CACNA2D2: variants seen among roughly 807,000 people sequenced by gnomAD.
CACNA2D2 encodes voltage-dependent calcium channel subunit alpha-2/delta-2.
In CACNA2D2, 48 loss-of-function variants were observed where a neutral mutation model predicts 166.4. That is an observed-to-expected ratio of 0.29 (90% CI 0.23 to 0.37). The LOEUF (loss-of-function observed/expected upper bound fraction) is 0.37. Among genes scored for constraint, CACNA2D2 ranks in the 10% least tolerant of loss-of-function variants. CACNA2D2 has a pLI of 1.00. For missense variants in CACNA2D2, 1,122 were observed against 1,433.0 expected (o/e 0.78, Z 3.50); for synonymous variants, 561 against 573.7 (o/e 0.98, Z 0.32).
chr3:50,495,384 G>A (rs1419739914), intron 1 of CACNA2D2, among the ~76,000 whole-genome samples: 1 of 152,190 alleles, frequency 6.6e-6, no homozygotes, highest in East Asian at 1.9e-4. Context: ...CAACACACAG[G>A]CGCGTCCTGA....
intron 3 of CACNA2D2, among the ~76,000 whole-genome samples, chr3:50,420,470 C>T (rs568621465): frequency 2.6e-5 from 4 of 152,316 alleles, no homozygotes; most frequent in African/African-American, 9.6e-5. Context: ...GCTCCCTCTG[C>T]CTGGTGGCCT....
intron 1 of CACNA2D2, among the ~76,000 whole-genome samples, chr3:50,483,959 AAC>A (rs1231010246): frequency 6.6e-6 from 1 of 152,140 alleles, no homozygotes. Flanking sequence ...AGAGGTCACA[AAC>A]ACCCGTCAGG....
At chr3:50,403,165 G>C (rs1706530866) in intron 3 of CACNA2D2, among the ~76,000 whole-genome samples, 1 of 152,166 alleles carries the variant, frequency 6.6e-6, no homozygotes. Context: ...AACAGGGAGG[G>C]ACCAAAACAC....
intron 4 of CACNA2D2, among the ~76,000 whole-genome samples, chr3:50,391,485 G>A (rs1705890730): frequency 6.6e-6 from 1 of 152,236 alleles, no homozygotes. Flanking sequence ...GGCACCTGCT[G>A]CCCACCTGTG....
intron 22 of CACNA2D2, among the ~76,000 whole-genome samples, chr3:50,370,904 T>G (rs1459366149): frequency 6.6e-6 from 1 of 152,148 alleles, no homozygotes; most frequent in Non-Finnish European, 1.5e-5. Context: ...TGTTTGCGTT[T>G]TGGTAGGTCT....
rs961172231 is a variant in CACNA2D2, at chr3:50,362,949, GAAC to G, written c.*1714_*1716del. 11 of 396,814 alleles carry G rather than the reference GAAC, an allele frequency of 2.8e-5. No homozygotes were observed. Among genetic ancestry groups the G allele is most frequent in the Non-Finnish European group, 4.9e-5 (11 of 225,528 alleles). The allele number at this position is 396,814 out of a possible 1,614,324, so 24.6% of individuals were successfully genotyped here. ...TTTTCCAACTTGTCTGTACAAAATAGAACAACAAAAAAAGGGCAGAGAAAAGGA... is the reference window on the plus strand; with the variant it reads ...TTTTCCAACTTGTCTGTACAAAATAGAACAAAAAAAGGGCAGAGAAAAGGA... On this transcript the variant is annotated 3_prime_UTR_variant, in exon 38 of 38. Transcript: ENST00000424201.
chr3:50,369,435 T>C (rs1704531584), intron 23 of CACNA2D2, among the ~76,000 whole-genome samples: 1 of 152,164 alleles, frequency 6.6e-6, no homozygotes, highest in South Asian at 2.1e-4. Context: ...ACCCCCACAT[T>C]TATGCTCAGA....
At chr3:50,390,368 G>A (rs587748774) in intron 4 of CACNA2D2, among the ~76,000 whole-genome samples, 5 of 152,226 alleles carry the variant, frequency 3.3e-5, no homozygotes, top group South Asian at 2.1e-4. Flanking sequence ...TTCCCCACTC[G>A]TAATATCAGG....
At chr3:50,498,980 G>T (rs1351751339) in intron 1 of CACNA2D2, among the ~76,000 whole-genome samples, 1 of 152,230 alleles carries the variant, frequency 6.6e-6, no homozygotes, top group Non-Finnish European at 1.5e-5. Flanking sequence ...CATGACCACG[G>T]GCTCTGAGGT....
chr3:50,384,850 C>T (rs1705510235), intron 5 of CACNA2D2, among the ~76,000 whole-genome samples: 1 of 152,232 alleles, frequency 6.6e-6, no homozygotes, highest in Non-Finnish European at 1.5e-5. Flanking sequence ...CCATCTAAGG[C>T]AGGGCACTAT....
rs1367842200 is a variant in CACNA2D2 at position 50,394,435 on chromosome 3, C to CTAGGGG, written c.406-268_406-267insCCCCTA. On this transcript the variant is annotated intron_variant, in intron 3 of 37. Coordinates refer to ENST00000424201, the MANE Select transcript of CACNA2D2 (RefSeq NM_006030.4). ...GGGCATCTCCATGGGACTCCCTGTA[C>CTAGGGG]TAGGCCAAGCCCTAGTGTCACTCTC... Among the ~76,000 whole-genome samples the CTAGGGG allele has an allele frequency of 1.4e-4, 22 of 152,344 alleles. 1 individual carries two copies. In the East Asian group the frequency reaches 4.2e-3, roughly 29 times the overall value.
chr3:50,375,540 G>A lies in CACNA2D2; in HGVS notation c.1907+104C>T. The A allele has an allele frequency of 1.7e-6, 2 of 1,210,118 alleles. No homozygotes were observed. Among genetic ancestry groups the A allele is most frequent in the Non-Finnish European group, 2.4e-6 (2 of 832,624 alleles). 75.0% of individuals were successfully genotyped at this position (1,210,118 alleles called of 1,614,324 possible). On this transcript the variant is annotated intron_variant, in intron 21 of 37. Transcript: ENST00000424201. This position sits in a 1 kb window ranked among gnomAD's most constrained non-coding sequence, Gnocchi z 4.0. Reference sequence around the variant, plus strand: ...GTAGTGAGCAGCCCTGGCCACTGGTGCCCCACTGGGATGGTGGTCACAGTG... The same window carrying A: ...GTAGTGAGCAGCCCTGGCCACTGGTACCCCACTGGGATGGTGGTCACAGTG...
rs753956245 is a variant in CACNA2D2, at chr3:50,427,258, G to T, written c.405+7055C>A. Among the ~76,000 whole-genome samples the T allele has an allele frequency of 3.9e-5, 6 of 152,164 alleles. No homozygotes were observed. The highest frequency in any genetic ancestry group is 8.8e-5 in the Non-Finnish European group (6 of 68,026). On this transcript the variant is annotated intron_variant, in intron 3 of 37. Coordinates refer to ENST00000424201, the MANE Select transcript of CACNA2D2 (RefSeq NM_006030.4). The surrounding 1 kb of genome is among the most constrained non-coding windows in gnomAD (Gnocchi z 4.7). ...TTATCTCCTTGCCAGCCAGCTCTTT[G>T]GCTGCCTCCCTCTGTAGGCGGAGGG...
At chr3:50,473,547 G>A (rs1278030732) in intron 2 of CACNA2D2, among the ~76,000 whole-genome samples, 1 of 152,202 alleles carries the variant, frequency 6.6e-6, no homozygotes, top group African/African-American at 2.4e-5. Flanking sequence ...TGGCAGAGCT[G>A]GTGCCAGGGT....
rs749619026 is a variant in CACNA2D2, at chr3:50,374,741, G to A, written c.1980C>T (p.Val660=). Residue 660 remains valine, a synonymous_variant, in exon 22 of 38, where the codon GTC becomes GTT. Coordinates refer to ENST00000424201, the MANE Select transcript of CACNA2D2 (RefSeq NM_006030.4). The part of the protein sequence containing the change: ...QANLSDQILQ[V]KYFEFLLPSS... Reference sequence around the variant, plus strand: ...GGCAGGGGCCGGGCCACTTACACTTGACCTGCAGGATCTGGTCACTGAGAT... The same window carrying A: ...GGCAGGGGCCGGGCCACTTACACTTAACCTGCAGGATCTGGTCACTGAGAT... 1.3e-6 allele frequency: 2 copies of A among 1,593,202 alleles called. No homozygotes were observed. Among genetic ancestry groups the A allele is most frequent in the South Asian group, 1.1e-5 (1 of 87,878 alleles).
At chr3:50,435,946 G>A (rs903387549) in intron 2 of CACNA2D2, among the ~76,000 whole-genome samples, 1 of 152,200 alleles carries the variant, frequency 6.6e-6, no homozygotes, top group African/African-American at 2.4e-5. Context: ...CTGGGCCCCT[G>A]GGCCCTGCCT....
At chr3:50,500,189 AC>A (rs543818286) in intron 1 of CACNA2D2, among the ~76,000 whole-genome samples, 153 of 152,344 alleles carry the variant, frequency 1.0e-3, no homozygotes, top group African/African-American at 3.1e-3. Flanking sequence ...GGAGAGGAGC[AC>A]GTACTCTGGT....
Position 50,375,608 on chromosome 3 carries a change from C to T in CACNA2D2, c.1907+36G>A, listed in dbSNP as rs1017710503. On this transcript the variant is annotated intron_variant, in intron 21 of 37. Coordinates refer to ENST00000424201, the MANE Select transcript of CACNA2D2 (RefSeq NM_006030.4). This position sits in a 1 kb window ranked among gnomAD's most constrained non-coding sequence, Gnocchi z 4.0. ...CTGGGCTCAGATTCTGGGGCCACCCCACCCTCTCTGCCCGCCCAGCCCTGG... is the reference window on the plus strand; with the variant it reads ...CTGGGCTCAGATTCTGGGGCCACCCTACCCTCTCTGCCCGCCCAGCCCTGG... The T allele has an allele frequency of 1.9e-6, 3 of 1,607,620 alleles. No individual in the cohort carries two copies. Among genetic ancestry groups the T allele is most frequent in the East Asian group, 4.5e-5 (2 of 44,862 alleles).
chr3:50,377,639 C>A, intron 16 of CACNA2D2, 93 bp downstream of exon 16: 1 of 1,550,582 alleles, frequency 6.4e-7, no homozygotes, highest in Non-Finnish European at 8.9e-7. Flanking sequence ...AGTGTGCAGG[C>A]CTGCCCTGCC....
Sources: gnomAD v4.1 joint callset for allele counts (sites outside exome capture counted in the v4.1 genomes callset) on GRCh38, gnomAD v4.1.1 for gene constraint, Gnocchi (gnomAD v3.1) non-coding constraint, MANE v1.5 for transcripts, NCBI Gene and HGNC (gene_info 2026-07-23, HGNC 2026-07-21) for gene names.